The following RPTOR variants were observed in gnomAD, a reference collection of about 807,000 sequenced individuals.
RPTOR encodes regulatory associated protein of MTOR complex 1.
In RPTOR, 21 loss-of-function variants were observed where a neutral mutation model predicts 169.9. That is an observed-to-expected ratio of 0.12 (90% confidence interval 0.09 to 0.18). The LOEUF is 0.18. Ranked by LOEUF, RPTOR falls within the 10% of genes least tolerant of loss-of-function variation. The probability of loss-of-function intolerance (pLI) is 1.00; values close to 1 mark genes in which losing one functional copy is unlikely to be tolerated. For synonymous variants in RPTOR, 732 were observed against 753.2 expected, an observed-to-expected ratio of 0.97 and a Z score of 0.46; for missense variants, 1,133 against 1,855.9, an observed-to-expected ratio of 0.61 and a Z score of 7.16.
intron 6 of RPTOR, among the ~76,000 whole-genome samples, chr17:80,780,196 A>T (rs1161208996): frequency 1.3e-5 from 2 of 152,214 alleles, no homozygotes; most frequent in Admixed American, 6.5e-5. Context: ...CTTAATTGAT[A>T]AATGTCGCAA....
At position 80,911,287 on chromosome 17, in the gene RPTOR, G is replaced by A. The variant is rs140876626; in HGVS notation, c.2520+2358G>A. Among the ~76,000 whole-genome samples the A allele has an allele frequency of 2.7e-3, 413 of 152,260 alleles. 2 individuals are homozygous for A. The highest frequency in any genetic ancestry group is 7.1e-3 in the Admixed American group (108 of 15,302). ...TGCAGCGGATTCTGCCACCTCCTTC[G>A]TCACCGTGTGGTGTGGCCAGCTGCA... On this transcript the variant is annotated intron_variant, in intron 21 of 33. Coordinates refer to ENST00000306801, the MANE Select transcript of RPTOR (RefSeq NM_020761.3).
At chr17:80,876,751 A>G (rs373498760) in intron 13 of RPTOR, among the ~76,000 whole-genome samples, 1 of 111,322 alleles carries the variant, frequency 9.0e-6, no homozygotes, top group Non-Finnish European at 1.8e-5. Flanking sequence ...AGCCCGTGCC[A>G]CGCAGGGTGT....
intron 1 of RPTOR, among the ~76,000 whole-genome samples, chr17:80,582,906 CT>C (rs925490266): frequency 1.4e-5 from 2 of 143,216 alleles, no homozygotes; most frequent in South Asian, 4.5e-4. Context: ...ATTATTCTTT[CT>C]TTTTTTTTCT....
chr17:80,684,253 G>A (rs1028595217), intron 3 of RPTOR, among the ~76,000 whole-genome samples: 1 of 151,946 alleles, frequency 6.6e-6, no homozygotes, highest in African/African-American at 2.4e-5. Context: ...CTTCTTTTAT[G>A]AGTATGTAAG....
At chr17:80,774,348 G>T in intron 6 of RPTOR, 1 of 985,288 alleles carries the variant, frequency 1.0e-6, no homozygotes, top group Non-Finnish European at 1.2e-6. Flanking sequence ...AGTATGAATT[G>T]TATCATATTT....
At chr17:80,728,779 C>T (rs2066363063) in intron 4 of RPTOR, among the ~76,000 whole-genome samples, 1 of 150,274 alleles carries the variant, frequency 6.7e-6, no homozygotes, top group African/African-American at 2.5e-5. Context: ...TTGTTAAATT[C>T]CGTGAATGGA....
At chr17:80,951,081 A>ACGCCCAGC (rs1361654009) in intron 28 of RPTOR, among the ~76,000 whole-genome samples, 11 of 151,650 alleles carry the variant, frequency 7.3e-5, no homozygotes, top group Non-Finnish European at 1.5e-4. Context: ...CCACATGTCC[A>ACGCCCAGC]TGCCCAGCTG....
chr17:80,679,414 C>G (rs907735521), intron 3 of RPTOR, among the ~76,000 whole-genome samples: 2 of 152,194 alleles, frequency 1.3e-5, no homozygotes, highest in African/African-American at 2.4e-5. Flanking sequence ...TTCCTCACCT[C>G]GTAGAAAAGA....
intron 1 of RPTOR, among the ~76,000 whole-genome samples, chr17:80,594,845 A>G (rs1283101236): frequency 1.3e-5 from 2 of 152,244 alleles, no homozygotes; most frequent in Non-Finnish European, 2.9e-5. Context: ...CATGAAGCTT[A>G]GAGATGAACC....
Position 80,791,527 on chromosome 17 carries a change from G to A in RPTOR, c.890+18G>A. 1 of 1,609,538 alleles carries A rather than the reference G, an allele frequency of 6.2e-7. No individual in the cohort carries two copies. Among genetic ancestry groups the A allele is most frequent in the African/African-American group, 1.3e-5 (1 of 74,772 alleles). On this transcript the variant is annotated intron_variant, in intron 7 of 33. Transcript: ENST00000306801. ...ATAGAAAAGTAAGTAGGATTTTTAA[G>A]CTCTTGTGGCTCTCTGGATCTGATG...
chr17:80,747,195 G>A lies in RPTOR; in HGVS notation c.655-6815G>A, dbSNP rs556456831. On this transcript the variant is annotated intron_variant, in intron 5 of 33. Coordinates refer to ENST00000306801, the MANE Select transcript of RPTOR (RefSeq NM_020761.3). The stretch of plus-strand genomic sequence containing the variant: ...TGCGCCACTGCACGCCAGCCTAGGC[G>A]ACAAAGCAAGACTCCCTCTCAAAAA... Among the ~76,000 whole-genome samples, 13 of 152,294 alleles carry A rather than the reference G, an allele frequency of 8.5e-5. No homozygotes were observed. The South Asian group carries it at 1.2e-3, about 15-fold the overall frequency.
intron 13 of RPTOR, among the ~76,000 whole-genome samples, chr17:80,858,329 C>G (rs905520437): frequency 2.0e-5 from 3 of 152,270 alleles, no homozygotes; most frequent in African/African-American, 7.2e-5. Context: ...CATTGCATTT[C>G]TCCCCCTCCT....
intron 21 of RPTOR, among the ~76,000 whole-genome samples, chr17:80,918,511 G>A (rs1344160141): frequency 3.1e-5 from 4 of 128,696 alleles, no homozygotes; most frequent in African/African-American, 1.2e-4. Flanking sequence ...TCATAGCCAT[G>A]AGCACCCTCG....
At chr17:80,650,173 G>T (rs2065628896) in intron 3 of RPTOR, among the ~76,000 whole-genome samples, 1 of 152,236 alleles carries the variant, frequency 6.6e-6, no homozygotes. Context: ...GACTCCTCAG[G>T]GTTTCAGTCC....
At chr17:80,891,629 CT>C in intron 17 of RPTOR, 90 bp from the exon 18 acceptor site, 1 of 891,016 alleles carries the variant, frequency 1.1e-6, no homozygotes, top group Non-Finnish European at 1.8e-6. Context: ...CTTAACCTTT[CT>C]TTTTTCTGTT....
intron 6 of RPTOR, among the ~76,000 whole-genome samples, chr17:80,787,097 G>A (rs1292390815): frequency 2.6e-5 from 4 of 152,204 alleles, no homozygotes; most frequent in Admixed American, 6.5e-5. Context: ...ACCGCCCTGA[G>A]TGCCGGGCTC....
intron 9 of RPTOR, among the ~76,000 whole-genome samples, chr17:80,833,111 C>T (rs2067524637): frequency 3.2e-5 from 1 of 31,136 alleles, no homozygotes; most frequent in Non-Finnish European, 5.9e-5. Flanking sequence ...GTTCCCGGGG[C>T]GGGCGCGCTC....
At chr17:80,862,478 C>G (rs1677583911) in intron 13 of RPTOR, among the ~76,000 whole-genome samples, 1 of 151,950 alleles carries the variant, frequency 6.6e-6, no homozygotes, top group African/African-American at 2.4e-5. Context: ...ACCCCTACCC[C>G]CCCATGATGT....
intron 3 of RPTOR, among the ~76,000 whole-genome samples, chr17:80,696,928 C>T (rs2066041912): frequency 6.6e-6 from 1 of 152,198 alleles, no homozygotes; most frequent in Non-Finnish European, 1.5e-5. Flanking sequence ...TTCTTCCATC[C>T]ACAGTCCAAC....
Sources: gnomAD v4.1 joint callset for allele counts (sites outside exome capture counted in the v4.1 genomes callset) on GRCh38, gnomAD v4.1.1 for gene constraint, MANE v1.5 for transcripts, NCBI Gene and HGNC (gene_info 2026-07-23, HGNC 2026-07-21) for gene names.